PCCA: variants seen among roughly 807,000 people sequenced by gnomAD.
The protein encoded by PCCA is propionyl-CoA carboxylase subunit alpha.
PCCA carries 74 observed loss-of-function variants against 101.3 expected under a neutral mutation model. The observed-to-expected ratio is 0.73, with a 90% CI of 0.61 to 0.89. The LOEUF is 0.89. PCCA is among the 40% of genes least tolerant of loss of function. The pLI, the probability that PCCA is intolerant of heterozygous loss-of-function variation, is 0.00. For missense variants in PCCA, 891 were observed against 907.0 expected (o/e 0.98, Z 0.23); for synonymous variants, 294 against 313.6 (o/e 0.94, Z 0.66).
At chr13:100,171,518 C>G (rs2055638199) in intron 6 of PCCA, among the ~76,000 whole-genome samples, 1 of 152,242 alleles carries the variant, frequency 6.6e-6, no homozygotes, top group Non-Finnish European at 1.5e-5. Context: ...AGTATAATTA[C>G]TTCCATGTCA....
intron 16 of PCCA, among the ~76,000 whole-genome samples, chr13:100,322,719 T>C (rs2068201939): frequency 6.6e-6 from 1 of 152,022 alleles, no homozygotes; most frequent in African/African-American, 2.4e-5. Flanking sequence ...TATAGGCACA[T>C]GCCACCATTC....
intron 6 of PCCA, among the ~76,000 whole-genome samples, chr13:100,179,104 A>G (rs1566645797): frequency 6.7e-6 from 1 of 149,810 alleles, no homozygotes; most frequent in Non-Finnish European, 1.5e-5. Flanking sequence ...ATATATATAT[A>G]TATATTTGTG....
chr13:100,429,136 G>A (rs2079369128), intron 20 of PCCA, among the ~76,000 whole-genome samples: 2 of 152,004 alleles, frequency 1.3e-5, no homozygotes, highest in Admixed American at 1.3e-4. Context: ...AAGCGTGACA[G>A]GAGAAAGAAC....
chr13:100,150,584 G>A, intron 4 of PCCA: 1 of 1,209,954 alleles, frequency 8.3e-7, no homozygotes, highest in Non-Finnish European at 1.2e-6. Context: ...AAGGGCCAGG[G>A]CTCTTTTGGC....
At chr13:100,337,067 G>A (rs562457952) in intron 17 of PCCA, among the ~76,000 whole-genome samples, 3 of 152,252 alleles carry the variant, frequency 2.0e-5, no homozygotes, top group East Asian at 1.9e-4. Context: ...CTTGGTTTAC[G>A]TTCACACTCG....
intron 4 of PCCA, among the ~76,000 whole-genome samples, chr13:100,146,817 A>G (rs1385270356): frequency 6.6e-6 from 1 of 151,398 alleles, no homozygotes; most frequent in African/African-American, 2.5e-5. Flanking sequence ...TGGTATTTGT[A>G]TTTAAATTAA....
chr13:100,500,703 T>C (rs1222589150), intron 21 of PCCA, among the ~76,000 whole-genome samples: 3 of 152,194 alleles, frequency 2.0e-5, no homozygotes, highest in Non-Finnish European at 4.4e-5. Context: ...AATCTCACCC[T>C]TCTAAGAATA....
intron 14 of PCCA, 63 bp downstream of exon 14, chr13:100,303,061 T>C: frequency 1.1e-6 from 1 of 898,154 alleles, no homozygotes; most frequent in Non-Finnish European, 1.9e-6. Context: ...CATACTTTTA[T>C]GTTAAAGCAT....
intron 16 of PCCA, among the ~76,000 whole-genome samples, chr13:100,325,870 C>T (rs2068619444): frequency 6.6e-6 from 1 of 152,072 alleles, no homozygotes; most frequent in South Asian, 2.1e-4. Flanking sequence ...GGACAGAGCC[C>T]CAGCCACCCA....
At chr13:100,218,350 T>A (rs1327334427) in intron 7 of PCCA, among the ~76,000 whole-genome samples, 1 of 151,620 alleles carries the variant, frequency 6.6e-6, no homozygotes, top group Non-Finnish European at 1.5e-5. Flanking sequence ...GGTTGTTTTT[T>A]TTTTTTTTTG....
chr13:100,487,557 C>G (rs779258127), intron 21 of PCCA, among the ~76,000 whole-genome samples: 17 of 152,094 alleles, frequency 1.1e-4, no homozygotes, highest in Non-Finnish European at 2.2e-4. Flanking sequence ...GTCTCAAAAT[C>G]TTTACTAAGT....
intron 15 of PCCA, among the ~76,000 whole-genome samples, chr13:100,308,748 A>G (rs1036924711): frequency 1.3e-5 from 2 of 152,196 alleles, no homozygotes; most frequent in Admixed American, 6.5e-5. Context: ...CCATTTTTAG[A>G]TGAATGTTTT....
At chr13:100,117,981 T>G (rs2048976783) in intron 4 of PCCA, among the ~76,000 whole-genome samples, 1 of 151,638 alleles carries the variant, frequency 6.6e-6, no homozygotes, top group South Asian at 2.1e-4. Flanking sequence ...CCAGGCGTGG[T>G]GGCAGGCTCC....
chr13:100,391,099 C>A (rs1045902129), intron 19 of PCCA, among the ~76,000 whole-genome samples: 11 of 151,892 alleles, frequency 7.2e-5, no homozygotes, highest in African/African-American at 2.7e-4. Flanking sequence ...CTCACTGCAA[C>A]CTCCACCTCC....
Position 100,436,374 on chromosome 13 carries a change from G to A in PCCA, c.1845+10643G>A, listed in dbSNP as rs145879965. Among the ~76,000 whole-genome samples the A allele has an allele frequency of 2.8e-3, 422 of 152,322 alleles. 4 individuals are homozygous for A. The highest frequency in any genetic ancestry group is 9.8e-3 in the African/African-American group (407 of 41,580). The stretch of plus-strand genomic sequence containing the variant: ...TTGGACAGCAACCATTCAGAGACTG[G>A]AGTGAAGTTACAAAGTTGCAAAGAC... On this transcript the variant is annotated intron_variant, in intron 20 of 23. Transcript: ENST00000376285.
rs1447191129 is a variant in PCCA at position 100,235,033 on chromosome 13, G to A, written c.601-809G>A. Among the ~76,000 whole-genome samples the A allele has an allele frequency of 2.0e-5, 3 of 152,078 alleles. No individual in the cohort carries two copies. In the East Asian group the frequency reaches 5.8e-4, roughly 29 times the overall value. On this transcript the variant is annotated intron_variant, in intron 7 of 23. Coordinates refer to ENST00000376285, the MANE Select transcript of PCCA (RefSeq NM_000282.4). ...TGTGTTAGGTGAGGGTTAATGATCA[G>A]TGAAATTACTTAGATTCAAGGGAAG...
At chr13:100,294,778 A>C (rs1262497297) in intron 12 of PCCA, among the ~76,000 whole-genome samples, 1 of 152,212 alleles carries the variant, frequency 6.6e-6, no homozygotes, top group Non-Finnish European at 1.5e-5. Flanking sequence ...AAATAAACAA[A>C]TCAAAAGCAC....
intron 2 of PCCA, among the ~76,000 whole-genome samples, chr13:100,106,704 C>T (rs756026283): frequency 6.6e-5 from 10 of 152,246 alleles, no homozygotes; most frequent in African/African-American, 1.9e-4. Flanking sequence ...CATGAGCGAC[C>T]GTGCCTGGCC....
intron 18 of PCCA, among the ~76,000 whole-genome samples, chr13:100,347,921 A>G (rs1202351768): frequency 1.3e-5 from 2 of 151,736 alleles, no homozygotes; most frequent in African/African-American, 4.8e-5. Flanking sequence ...GAGCTGTAAC[A>G]TTTAGTAAAT....
Sources: gnomAD v4.1 joint callset for allele counts (sites outside exome capture counted in the v4.1 genomes callset) on GRCh38, gnomAD v4.1.1 for gene constraint, MANE v1.5 for transcripts, NCBI Gene and HGNC (gene_info 2026-07-23, HGNC 2026-07-21) for gene names.